RANBP17: variants seen among roughly 807,000 people sequenced by gnomAD.
RANBP17 encodes the protein ran-binding protein 17.
In RANBP17, 158 loss-of-function variants were observed where a neutral mutation model predicts 141.2. The observed-to-expected ratio is 1.12, with a 90% CI of 0.98 to 1.28. RANBP17 has a LOEUF of 1.28. Among genes scored for constraint, RANBP17 ranks in the 50% most tolerant of loss-of-function variants. The probability of loss-of-function intolerance (pLI) is 0.00; values close to 1 mark genes in which losing one functional copy is unlikely to be tolerated. For missense variants in RANBP17, 1,438 were observed against 1,290.7 expected (o/e 1.11, Z -1.75); for synonymous variants, 430 against 450.0 (o/e 0.96, Z 0.56).
At chr5:171,003,690 G>A (rs921336947) in intron 14 of RANBP17, among the ~76,000 whole-genome samples, 3 of 152,092 alleles carry the variant, frequency 2.0e-5, no homozygotes, top group African/African-American at 7.2e-5. Context: ...GGTGAGAAGT[G>A]GAGGGGTGGA....
chr5:171,155,054 G>A (rs1297798526), intron 14 of RANBP17, among the ~76,000 whole-genome samples: 7 of 139,986 alleles, frequency 5.0e-5, no homozygotes, highest in African/African-American at 1.9e-4. Context: ...CTCCAGCCTG[G>A]GCGACAGAGT....
intron 21 of RANBP17, among the ~76,000 whole-genome samples, chr5:171,215,016 C>T (rs1377121498): frequency 1.3e-5 from 2 of 151,876 alleles, no homozygotes; most frequent in Non-Finnish European, 2.9e-5. Flanking sequence ...TTAAGCCCCA[C>T]ATGCATTAGG....
intron 14 of RANBP17, among the ~76,000 whole-genome samples, chr5:171,119,048 C>T (rs76066153): frequency 0.015 from 2,314 of 152,236 alleles, 51 homozygotes; most frequent in African/African-American, 0.052. Context: ...ATAATGTTAG[C>T]TGTGAGTTTG....
intron 24 of RANBP17, chr5:171,252,065 C>T: frequency 6.2e-7 from 1 of 1,602,190 alleles, no homozygotes; most frequent in Non-Finnish European, 8.6e-7. Context: ...ACATGCTTAG[C>T]AGATCTCTTC....
At chr5:171,280,245 T>C (rs1767770660) in intron 25 of RANBP17, among the ~76,000 whole-genome samples, 1 of 152,140 alleles carries the variant, frequency 6.6e-6, no homozygotes, top group African/African-American at 2.4e-5. Flanking sequence ...TCTTAACTCA[T>C]GGAAAGTTGT....
intron 18 of RANBP17, among the ~76,000 whole-genome samples, chr5:171,188,086 T>A (rs1396535160): frequency 1.3e-5 from 2 of 152,160 alleles, no homozygotes; most frequent in African/African-American, 4.8e-5. Context: ...AAAGACAAAC[T>A]GCCAAAAAGT....
intron 14 of RANBP17, among the ~76,000 whole-genome samples, chr5:171,083,149 G>C (rs1785363123): frequency 6.6e-6 from 1 of 152,056 alleles, no homozygotes; most frequent in East Asian, 1.9e-4. Context: ...TTTACATTTT[G>C]CATTGGTTAC....
chr5:171,173,886 T>C (rs1177686561), intron 16 of RANBP17, among the ~76,000 whole-genome samples: 3 of 152,146 alleles, frequency 2.0e-5, no homozygotes. Context: ...TAGAGCTGCA[T>C]TGTATGTCCT....
chr5:171,230,557 T>C (rs1764148628), intron 22 of RANBP17, among the ~76,000 whole-genome samples: 1 of 151,936 alleles, frequency 6.6e-6, no homozygotes, highest in Non-Finnish European at 1.5e-5. Flanking sequence ...GGTCAGGAGT[T>C]CGAGACCAGC....
chr5:170,934,755 A>G (rs538876455), intron 12 of RANBP17, among the ~76,000 whole-genome samples: 4 of 151,916 alleles, frequency 2.6e-5, no homozygotes, highest in African/African-American at 4.8e-5. Context: ...CTTCATTTCA[A>G]CTTTGGTGAA....
intron 14 of RANBP17, among the ~76,000 whole-genome samples, chr5:171,164,590 A>G (rs1212440085): frequency 6.6e-6 from 1 of 152,212 alleles, no homozygotes; most frequent in Non-Finnish European, 1.5e-5. Flanking sequence ...AATTTATAAG[A>G]ACCTTTGCAG....
intron 14 of RANBP17, among the ~76,000 whole-genome samples, chr5:171,066,320 A>G (rs245763): frequency 0.61 from 93,014 of 151,970 alleles, 29,820 homozygotes; most frequent in South Asian, 0.88. Flanking sequence ...TCTGTCCCCA[A>G]CTTCACCTTC....
intron 13 of RANBP17, among the ~76,000 whole-genome samples, chr5:170,956,466 T>G (rs1015737847): frequency 6.6e-6 from 1 of 152,086 alleles, no homozygotes; most frequent in Admixed American, 6.6e-5. Context: ...ACTTATTATT[T>G]TCTATATCAA....
At chr5:171,009,321 G>T (rs891933116) in intron 14 of RANBP17, among the ~76,000 whole-genome samples, 1 of 152,150 alleles carries the variant, frequency 6.6e-6, no homozygotes, top group African/African-American at 2.4e-5. Context: ...AACAAGATTG[G>T]TGTTCTCTAA....
At chr5:171,037,434 A>G (rs1180790250) in intron 14 of RANBP17, among the ~76,000 whole-genome samples, 3 of 152,046 alleles carry the variant, frequency 2.0e-5, no homozygotes, top group Non-Finnish European at 2.9e-5. Flanking sequence ...CAGAAGCTCT[A>G]TAGTTTCATT....
intron 1 of RANBP17, among the ~76,000 whole-genome samples, chr5:170,869,082 G>T (rs536936951): frequency 4.1e-4 from 63 of 152,076 alleles, no homozygotes; most frequent in African/African-American, 1.5e-3. Flanking sequence ...TTTTATCTTG[G>T]ATGGCCTTTT....
At chr5:171,207,140 CTTTT>C (rs1311063393) in intron 20 of RANBP17, 1 of 161,162 alleles carries the variant, frequency 6.2e-6, no homozygotes, top group Non-Finnish European at 1.4e-5. Context: ...CAGCTTGACT[CTTTT>C]ATTTCTCTAA....
rs747272550 is a variant in RANBP17 at position 170,881,882 on chromosome 5, A to G, written c.242A>G (p.Gln81Arg). Residue 81 changes from glutamine (Q) to arginine (R), a missense_variant, in exon 3 of 28, where the codon CAG (glutamine) becomes CGG (arginine). Coordinates refer to ENST00000523189, the MANE Select transcript of RANBP17 (RefSeq NM_022897.5). The part of the protein sequence containing the change: ...VSRVSPLPVE[Q>R]RMDIRNYILN... Reference sequence around the variant, plus strand: ...CGAGTCAGTCCTTTACCTGTTGAGCAGAGGATGGACATCAGTAAGTGGCTT... The same window carrying G: ...CGAGTCAGTCCTTTACCTGTTGAGCGGAGGATGGACATCAGTAAGTGGCTT... 4.4e-6 allele frequency: 7 copies of G among 1,604,110 alleles called. No homozygotes were observed. In the South Asian group the frequency reaches 6.8e-5, roughly 16 times the overall value.
At chr5:171,294,051 G>A in intron 26 of RANBP17, 70 bp downstream of exon 26, 1 of 1,157,090 alleles carries the variant, frequency 8.6e-7, no homozygotes, top group Non-Finnish European at 1.3e-6. Flanking sequence ...GCTAGGGTGA[G>A]CTGTGATGAC....
Sources: allele counts gnomAD v4.1 joint callset (sites outside exome capture counted in the v4.1 genomes callset), GRCh38; gene constraint gnomAD v4.1.1; transcripts MANE v1.5; gene names NCBI Gene and HGNC (gene_info 2026-07-23, HGNC 2026-07-21).